Variants in PPP1CC observed in about 807,000 individuals in gnomAD.
The protein encoded by PPP1CC is serine/threonine-protein phosphatase PP1-gamma catalytic subunit.
PPP1CC carries 16 observed loss-of-function variants against 38.4 expected under a neutral mutation model. The ratio of observed to expected loss-of-function variants is 0.42; its 90% confidence interval spans 0.28 to 0.63. The LOEUF is 0.63. Ranked by LOEUF, PPP1CC falls within the 30% of genes least tolerant of loss-of-function variation. The pLI is 0.25. For missense variants in PPP1CC, 170 were observed against 391.3 expected, an observed-to-expected ratio of 0.43 and a Z score of 4.77; for synonymous variants, 158 against 136.0, an observed-to-expected ratio of 1.16 and a Z score of -1.13.
chr12:110,714,676 C>T, the PPP1CC span, among the ~76,000 whole-genome samples: 12 of 150,740 alleles, frequency 8.0e-5, no homozygotes, highest in Non-Finnish European at 5.9e-5. Context: ...GTGTGTGGCA[C>T]GCACCTGTAA....
chr12:110,730,986 A>G (rs1465495045), intron 2 of PPP1CC, among the ~76,000 whole-genome samples: 1 of 152,258 alleles, frequency 6.6e-6, no homozygotes, highest in Non-Finnish European at 1.5e-5. Context: ...AGAACCTCAC[A>G]TAAAATTCAA....
chr12:110,716,336 G>A (rs115670625), downstream of PPP1CC, among the ~76,000 whole-genome samples: 442 of 151,724 alleles, frequency 2.9e-3, 2 homozygotes, highest in African/African-American at 0.01. Context: ...CCCTATTACT[G>A]CAAACTTTCT....
chr12:110,730,096 C>T (rs1027512405), intron 3 of PPP1CC, among the ~76,000 whole-genome samples: 2 of 152,224 alleles, frequency 1.3e-5, no homozygotes, highest in Non-Finnish European at 2.9e-5. Context: ...TCATGGCTCA[C>T]GCCAGTAATC....
intron 3 of PPP1CC, among the ~76,000 whole-genome samples, chr12:110,728,138 G>A (rs903877009): frequency 2.0e-5 from 3 of 152,198 alleles, no homozygotes; most frequent in Admixed American, 2.0e-4. Flanking sequence ...GGTGGCTCAC[G>A]CCTGTAATCC....
the PPP1CC span, among the ~76,000 whole-genome samples, chr12:110,710,454 C>G: frequency 6.7e-6 from 1 of 148,418 alleles, no homozygotes; most frequent in South Asian, 2.1e-4. Flanking sequence ...TGCGGTGGCT[C>G]ACACCTGTAA....
At chr12:110,724,177 G>A (rs1168682586) in intron 4 of PPP1CC, among the ~76,000 whole-genome samples, 1 of 152,128 alleles carries the variant, frequency 6.6e-6, no homozygotes, top group Non-Finnish European at 1.5e-5. Flanking sequence ...GGCAGAGCTT[G>A]CAGTGAGCCG....
intron 3 of PPP1CC, among the ~76,000 whole-genome samples, chr12:110,728,412 AAAC>A (rs1566084605): frequency 1.4e-5 from 2 of 146,862 alleles, no homozygotes; most frequent in African/African-American, 5.2e-5. Flanking sequence ...AAAAAAAAAA[AAAC>A]AAAAAACAAA....
At chr12:110,740,914 CAT>C (rs1221963613) in intron 1 of PPP1CC, among the ~76,000 whole-genome samples, 2 of 152,200 alleles carry the variant, frequency 1.3e-5, no homozygotes, top group South Asian at 4.1e-4. Context: ...TAAAGCCACA[CAT>C]ATCCCTGCAG....
chr12:110,727,169 T>G (rs566028623), intron 3 of PPP1CC, among the ~76,000 whole-genome samples: 1 of 152,190 alleles, frequency 6.6e-6, no homozygotes, highest in Admixed American at 6.5e-5. Flanking sequence ...TGTGATCAGG[T>G]TGAACTCCTG....
chr12:110,724,633 A>C, intron 4 of PPP1CC, 27 bp downstream of exon 4: 2 of 1,409,796 alleles, frequency 1.4e-6, no homozygotes, highest in Non-Finnish European at 2.0e-6. Context: ...ATCAAAACCT[A>C]TTTGGAACAA....
the PPP1CC span, among the ~76,000 whole-genome samples, chr12:110,708,864 A>AAAAG: frequency 2.4e-3 from 354 of 150,380 alleles, no homozygotes; most frequent in African/African-American, 3.7e-3. Context: ...AAAAAAAAAA[A>AAAAG]AAAAGAAAAG....
downstream of PPP1CC, among the ~76,000 whole-genome samples, chr12:110,716,729 T>C (rs2069690698): frequency 6.6e-6 from 1 of 152,242 alleles, no homozygotes; most frequent in Non-Finnish European, 1.5e-5. Flanking sequence ...TATTTATCTT[T>C]CAAATAACTG....
the PPP1CC span, among the ~76,000 whole-genome samples, chr12:110,714,415 T>G: frequency 6.6e-6 from 1 of 152,018 alleles, no homozygotes; most frequent in Non-Finnish European, 1.5e-5. Context: ...GGTCCTTCAC[T>G]TATGCTGGAC....
chr12:110,712,725 C>A, the PPP1CC span, among the ~76,000 whole-genome samples: 2 of 140,412 alleles, frequency 1.4e-5, no homozygotes, highest in Non-Finnish European at 3.1e-5. Flanking sequence ...ATGCTTTGTT[C>A]AAATCTGCAA....
chr12:110,713,573 G>A, the PPP1CC span, among the ~76,000 whole-genome samples: 3 of 152,214 alleles, frequency 2.0e-5, no homozygotes, highest in South Asian at 6.2e-4. Flanking sequence ...ACAAACACAG[G>A]CCTGTATGTA....
At chr12:110,717,906 T>C (rs899594761), downstream of PPP1CC, among the ~76,000 whole-genome samples, 1 of 152,220 alleles carries the variant, frequency 6.6e-6, no homozygotes, top group African/African-American at 2.4e-5. Flanking sequence ...CATGCAGCAC[T>C]TCCCTGCAAT....
downstream of PPP1CC, among the ~76,000 whole-genome samples, chr12:110,715,287 G>A (rs1419367845): frequency 6.6e-6 from 1 of 152,126 alleles, no homozygotes; most frequent in Non-Finnish European, 1.5e-5. Flanking sequence ...TTAGGAAACT[G>A]ATTGTTTGGA....
At chr12:110,734,427 T>A (rs1443440548) in intron 1 of PPP1CC, among the ~76,000 whole-genome samples, 2 of 152,196 alleles carry the variant, frequency 1.3e-5, no homozygotes, top group Non-Finnish European at 2.9e-5. Flanking sequence ...CACTGCAACC[T>A]CCGTCTCCCG....
rs1415504318 is a variant in PPP1CC at position 110,722,660 on chromosome 12, G to A, written c.559C>T (p.Arg187Trp). Residue 187 changes from arginine to tryptophan, a missense_variant, in exon 5 of 7, where the codon CGG becomes TGG. This residue lies in a region of PPP1CC where 117 missense variants were observed against 344.4 expected (regional missense o/e 0.34). Coordinates refer to ENST00000335007, the MANE Select transcript of PPP1CC (RefSeq NM_002710.4). This position sits in a 1 kb window ranked among gnomAD's most constrained non-coding sequence, Gnocchi z 5.4. ...SPDLQSMEQI[R>W]RIMRPTDVPD... ...ACATCAGTTGGTCGCATAATTCGCC[G>A]AATCTGCTCCATAGATTGAAGATCT... 2.5e-6 allele frequency: 4 copies of A among 1,612,924 alleles called. No homozygotes were observed. The highest frequency in any genetic ancestry group is 1.7e-5 in the Admixed American group (1 of 59,904).
Sources: allele counts gnomAD v4.1 joint callset (sites outside exome capture counted in the v4.1 genomes callset), GRCh38; gene constraint gnomAD v4.1.1; regional missense constraint gnomAD v4.1.1; non-coding constraint Gnocchi (gnomAD v3.1); transcripts MANE v1.5; gene names NCBI Gene and HGNC (gene_info 2026-07-23, HGNC 2026-07-21).